GRID2: variants seen among roughly 807,000 people sequenced by gnomAD.
GRID2 encodes glutamate receptor ionotropic, delta-2.
Under a neutral mutation model 114.8 loss-of-function variants are expected in GRID2, and 33 were observed. That is an observed-to-expected ratio of 0.29 (90% confidence interval 0.22 to 0.38). The LOEUF is 0.38. GRID2 is among the 10% of genes least tolerant of loss of function. The probability of loss-of-function intolerance (pLI) is 1.00; values close to 1 mark genes in which losing one functional copy is unlikely to be tolerated. For synonymous variants in GRID2, 505 were observed against 449.9 expected, an observed-to-expected ratio of 1.12 and a Z score of -1.55; for missense variants, 1,184 against 1,257.7, an observed-to-expected ratio of 0.94 and a Z score of 0.89.
chr4:92,540,242 G>A (rs1417946667), intron 1 of GRID2, among the ~76,000 whole-genome samples: 3 of 152,144 alleles, frequency 2.0e-5, no homozygotes, highest in South Asian at 2.1e-4. Context: ...ATAGGCAAGG[G>A]CTTCATGTCT....
In GRID2 at chr4:93,455,980, G is replaced by A. The variant is rs1322235200; in HGVS notation, c.1858+6G>A. 2 of 1,520,656 alleles carry A rather than the reference G, an allele frequency of 1.3e-6. No individual in the cohort carries two copies. Among genetic ancestry groups the A allele is most frequent in the Non-Finnish European group, 1.8e-6 (2 of 1,095,246 alleles). The allele number at this position is 1,520,656 out of a possible 1,614,324, so 94.2% of individuals were successfully genotyped here. A position where few individuals can be genotyped will look rare whatever the true frequency, so the allele number is the denominator to read the frequency against. ...TGGATCTTTTGTACAACAAGGTAAG[G>A]AGCAAAAGTACATTCTAGTATTTAA... On this transcript the variant is annotated splice_donor_region_variant and intron_variant, in intron 11 of 15. Transcript: ENST00000282020.
At chr4:92,658,123 C>T (rs1016029389) in intron 2 of GRID2, among the ~76,000 whole-genome samples, 40 of 151,818 alleles carry the variant, frequency 2.6e-4, no homozygotes, top group African/African-American at 9.6e-4. Flanking sequence ...ATTAAATATA[C>T]TTTACTATGG....
intron 2 of GRID2, among the ~76,000 whole-genome samples, chr4:92,970,042 C>T (rs1178212376): frequency 6.6e-6 from 1 of 151,878 alleles, no homozygotes; most frequent in Non-Finnish European, 1.5e-5. Flanking sequence ...AAAATTCTAG[C>T]CAAATGTTTT....
Position 92,698,849 on chromosome 4 carries a change from T to C in GRID2, c.244+108563T>C, listed in dbSNP as rs113140687. Among the ~76,000 whole-genome samples the C allele has an allele frequency of 6.7e-3, 1,015 of 152,146 alleles. 10 individuals carry two copies. Among genetic ancestry groups the C allele is most frequent in the African/African-American group, 0.023 (975 of 41,534 alleles). ...TATCTATTAAAAGACAAAAAGTGAA[T>C]ATTGTCCCGACGCAAAATTGCATTA... On this transcript the variant is annotated intron_variant, in intron 2 of 15. Coordinates refer to ENST00000282020, the MANE Select transcript of GRID2 (RefSeq NM_001510.4).
chr4:92,588,949 A>G (rs376027236), intron 1 of GRID2, among the ~76,000 whole-genome samples: 2 of 151,730 alleles, frequency 1.3e-5, no homozygotes, highest in East Asian at 3.9e-4. Context: ...CTAAAAACAC[A>G]CAAAAAAATA....
At chr4:93,477,988 A>G (rs1031411910) in intron 11 of GRID2, among the ~76,000 whole-genome samples, 1 of 152,142 alleles carries the variant, frequency 6.6e-6, no homozygotes, top group South Asian at 2.1e-4. Context: ...ATTTCAATGC[A>G]GCACTTACCT....
intron 2 of GRID2, among the ~76,000 whole-genome samples, chr4:92,637,199 A>G (rs1731107955): frequency 1.3e-5 from 2 of 151,994 alleles, no homozygotes; most frequent in Admixed American, 1.3e-4. Context: ...TCTACAATAA[A>G]AATTTACTAT....
intron 1 of GRID2, among the ~76,000 whole-genome samples, chr4:92,510,661 G>T (rs1724199264): frequency 6.6e-6 from 1 of 151,706 alleles, no homozygotes; most frequent in Non-Finnish European, 1.5e-5. Context: ...GCACAGTAGG[G>T]TGACTATGGT....
At position 92,459,777 on chromosome 4, in the gene GRID2, G is replaced by A. The variant is rs541637530; in HGVS notation, c.89-130354G>A. ...CTCTAGATGTTTCTGTGAAGGTATA[G>A]ATGAGATTAGCATTTATAAGTAGAC... On this transcript the variant is annotated intron_variant, in intron 1 of 15. Coordinates refer to ENST00000282020, the MANE Select transcript of GRID2 (RefSeq NM_001510.4). Among the ~76,000 whole-genome samples, 3 of 151,922 alleles carry A rather than the reference G, an allele frequency of 2.0e-5. No individual in the cohort carries two copies. In the East Asian group the frequency reaches 5.9e-4, roughly 30 times the overall value.
rs1309024008 is a variant in GRID2 at position 92,528,327 on chromosome 4, TTACTA to T, written c.89-61800_89-61796del. On this transcript the variant is annotated intron_variant, in intron 1 of 15. Coordinates refer to ENST00000282020, the MANE Select transcript of GRID2 (RefSeq NM_001510.4). ...TATATATATATGTATTCAAAGATAA[TTACTA>T]TACATATATAGTAATTATGTAATTT... Among the ~76,000 whole-genome samples the T allele has an allele frequency of 4.7e-5, 7 of 150,276 alleles. No homozygotes were observed. In the South Asian group the frequency reaches 1.5e-3, roughly 31 times the overall value.
chr4:92,746,562 G>A (rs542045408), intron 2 of GRID2, among the ~76,000 whole-genome samples: 1 of 152,062 alleles, frequency 6.6e-6, no homozygotes, highest in East Asian at 1.9e-4. Context: ...GTTTTGCTCT[G>A]GAATGCTAAA....
At chr4:93,587,559 T>C (rs1737668099) in intron 13 of GRID2, among the ~76,000 whole-genome samples, 1 of 152,144 alleles carries the variant, frequency 6.6e-6, no homozygotes, top group South Asian at 2.1e-4. Context: ...CTTTTTTCTA[T>C]CCAAAGGCTC....
intron 2 of GRID2, among the ~76,000 whole-genome samples, chr4:92,679,637 A>G (rs1733549303): frequency 6.6e-6 from 1 of 152,054 alleles, no homozygotes; most frequent in Admixed American, 6.6e-5. Flanking sequence ...TCACAACTGA[A>G]CAGGTTCATT....
chr4:92,778,374 C>G (rs1738906987), intron 2 of GRID2, among the ~76,000 whole-genome samples: 1 of 151,986 alleles, frequency 6.6e-6, no homozygotes, highest in Non-Finnish European at 1.5e-5. Context: ...TTCTTCAGAG[C>G]AATTTGTATG....
chr4:92,396,930 G>T (rs995076181), intron 1 of GRID2, among the ~76,000 whole-genome samples: 3 of 152,004 alleles, frequency 2.0e-5, no homozygotes, highest in Non-Finnish European at 4.4e-5. Context: ...CTCATTAACA[G>T]TAGAACAAAC....
At chr4:93,350,358 T>C (rs1760682449) in intron 8 of GRID2, among the ~76,000 whole-genome samples, 1 of 152,092 alleles carries the variant, frequency 6.6e-6, no homozygotes, top group African/African-American at 2.4e-5. Flanking sequence ...CCATTGCACA[T>C]GTCATTCCTT....
At position 92,706,336 on chromosome 4, in the gene GRID2, T is replaced by A. The variant is rs964261540; in HGVS notation, c.244+116050T>A. Among the ~76,000 whole-genome samples, 10 of 152,190 alleles carry A rather than the reference T, an allele frequency of 6.6e-5. 1 individual carries two copies. The highest frequency in any genetic ancestry group is 4.6e-4 in the Admixed American group (7 of 15,276). Reference sequence around the variant, plus strand: ...GATACTAGAAAAGCTCACCTATTTTTAAAGTTTTTTATTTAAGCAGTGATT... The same window carrying A: ...GATACTAGAAAAGCTCACCTATTTTAAAAGTTTTTTATTTAAGCAGTGATT... On this transcript the variant is annotated intron_variant, in intron 2 of 15. Transcript: ENST00000282020.
intron 2 of GRID2, among the ~76,000 whole-genome samples, chr4:92,782,339 T>C (rs569924144): frequency 6.6e-6 from 1 of 152,226 alleles, no homozygotes; most frequent in East Asian, 1.9e-4. Context: ...TTCAGACTTT[T>C]ATTATTGTCA....
chr4:93,375,204 C>CT (rs1486148276), intron 8 of GRID2, among the ~76,000 whole-genome samples: 3 of 145,970 alleles, frequency 2.1e-5, no homozygotes, highest in Non-Finnish European at 4.5e-5. Flanking sequence ...GGGAGTTTTT[C>CT]TTTTTTTCCC....
Sources: allele counts gnomAD v4.1 joint callset (sites outside exome capture counted in the v4.1 genomes callset), GRCh38; gene constraint gnomAD v4.1.1; transcripts MANE v1.5; gene names NCBI Gene and HGNC (gene_info 2026-07-23, HGNC 2026-07-21).